The following GRIK2 variants were observed in gnomAD, a reference collection of about 807,000 sequenced individuals.
The protein encoded by GRIK2 is glutamate receptor ionotropic, kainate 2.
In GRIK2, 32 loss-of-function variants were observed where a neutral mutation model predicts 100.3. That is an observed-to-expected ratio of 0.32 (90% CI 0.24 to 0.43). GRIK2 has a LOEUF of 0.43. GRIK2 is among the 20% of genes least tolerant of loss of function. GRIK2 has a pLI of 1.00. For missense variants in GRIK2, 843 were observed against 1,114.9 expected, an observed-to-expected ratio of 0.76 and a Z score of 3.47; for synonymous variants, 417 against 389.4, an observed-to-expected ratio of 1.07 and a Z score of -0.83.
chr6:101,546,134 A>G lies in GRIK2; in HGVS notation c.116-75815A>G, dbSNP rs1466118811. ...AAAAGTGCCTGGATTATTTCTGCCT[A>G]TCATTCTACTCTATAGGCAAGAGTG... On this transcript the variant is annotated intron_variant, in intron 2 of 16. Transcript: ENST00000369134. 5.3e-5 allele frequency among the ~76,000 whole-genome samples: 8 copies of G among 152,192 alleles called. No individual in the cohort carries two copies. In the South Asian group the frequency reaches 1.5e-3, roughly 28 times the overall value.
At chr6:101,978,954 A>G (rs758087460) in intron 14 of GRIK2, among the ~76,000 whole-genome samples, 1 of 151,926 alleles carries the variant, frequency 6.6e-6, no homozygotes, top group African/African-American at 2.4e-5. Flanking sequence ...TCCTATCTCC[A>G]TATGTTATCC....
chr6:101,711,077 A>G (rs941563560), intron 7 of GRIK2, among the ~76,000 whole-genome samples: 8 of 151,738 alleles, frequency 5.3e-5, no homozygotes, highest in African/African-American at 1.9e-4. Context: ...ATTCCATGGA[A>G]GTTCACAAGG....
In GRIK2 at chr6:101,826,283, T is replaced by G. The variant is rs891693730; in HGVS notation, c.1317+7800T>G. Among the ~76,000 whole-genome samples, 6 of 152,006 alleles carry G rather than the reference T, an allele frequency of 3.9e-5. No individual in the cohort carries two copies. In the South Asian group the frequency reaches 1.2e-3, roughly 31 times the overall value. On this transcript the variant is annotated intron_variant, in intron 10 of 16. Transcript: ENST00000369134. ...TCTGCTTTGAGAGGCACTGTACTTA[T>G]AGGAAAGAGGAAAGAGATGGCAACA...
intron 4 of GRIK2, among the ~76,000 whole-genome samples, chr6:101,647,314 C>G (rs1038588181): frequency 1.3e-5 from 2 of 151,936 alleles, no homozygotes; most frequent in African/African-American, 4.8e-5. Context: ...CCACAGCTAT[C>G]TACACATCTC....
intron 11 of GRIK2, among the ~76,000 whole-genome samples, chr6:101,867,523 A>G (rs930857500): frequency 2.6e-5 from 4 of 151,832 alleles, no homozygotes; most frequent in African/African-American, 9.7e-5. Context: ...GATTTATGCT[A>G]TACTAGATTA....
At chr6:101,775,020 A>G (rs1685641259) in intron 7 of GRIK2, among the ~76,000 whole-genome samples, 1 of 152,118 alleles carries the variant, frequency 6.6e-6, no homozygotes, top group African/African-American at 2.4e-5. Context: ...TCTTACAGGG[A>G]AATAATACTG....
intron 7 of GRIK2, among the ~76,000 whole-genome samples, chr6:101,687,726 A>G (rs1188326912): frequency 6.6e-6 from 1 of 151,864 alleles, no homozygotes; most frequent in African/African-American, 2.4e-5. Flanking sequence ...ATATATCCGT[A>G]TGAATTTGTT....
At chr6:101,954,028 T>C (rs1226489567) in intron 14 of GRIK2, among the ~76,000 whole-genome samples, 1 of 152,132 alleles carries the variant, frequency 6.6e-6, no homozygotes, top group East Asian at 1.9e-4. Flanking sequence ...CCTCTTTGAA[T>C]TGTTTTGGTA....
At chr6:101,621,800 C>G in intron 2 of GRIK2, 149 bp from the exon 3 acceptor site, 1 of 628,404 alleles carries the variant, frequency 1.6e-6, no homozygotes. Context: ...ATCTCTCCCT[C>G]TCTCTCTCTC....
At chr6:101,831,445 A>G (rs1457279779) in intron 10 of GRIK2, among the ~76,000 whole-genome samples, 1 of 152,080 alleles carries the variant, frequency 6.6e-6, no homozygotes, top group Non-Finnish European at 1.5e-5. Context: ...TCTGACATGA[A>G]CACTAATTAG....
intron 10 of GRIK2, among the ~76,000 whole-genome samples, chr6:101,828,773 A>G (rs1218959421): frequency 6.6e-6 from 1 of 151,996 alleles, no homozygotes; most frequent in Non-Finnish European, 1.5e-5. Flanking sequence ...TTGAATCATT[A>G]TTGCTGATCA....
chr6:101,674,422 C>T (rs1200538074), intron 4 of GRIK2, among the ~76,000 whole-genome samples: 1 of 152,118 alleles, frequency 6.6e-6, no homozygotes, highest in Non-Finnish European at 1.5e-5. Context: ...AAAGAGTTAC[C>T]TTGTAAAATG....
Position 102,022,143 on chromosome 6 carries a change from T to TACAC in GRIK2, c.2086-13178_2086-13175dup, listed in dbSNP as rs3995831. 3.8e-3 allele frequency among the ~76,000 whole-genome samples: 507 copies of TACAC among 133,242 alleles called. 2 individuals carry two copies. The highest frequency in any genetic ancestry group is 0.012 in the African/African-American group (483 of 39,086). The allele number at this position is 133,242 out of a possible 152,430, so 87.4% of individuals were successfully genotyped here. A position where few individuals can be genotyped will look rare whatever the true frequency, so the allele number is the denominator to read the frequency against. On this transcript the variant is annotated intron_variant, in intron 14 of 16. Coordinates refer to ENST00000369134, the MANE Select transcript of GRIK2 (RefSeq NM_021956.5). ...TGAGTCTGTCTATATAACACACACA[T>TACAC]ACACACACACACACACACACACAAC...
intron 7 of GRIK2, among the ~76,000 whole-genome samples, chr6:101,788,843 C>T (rs1445080456): frequency 1.3e-5 from 2 of 152,060 alleles, no homozygotes; most frequent in Non-Finnish European, 2.9e-5. Context: ...TAAAAGTGTT[C>T]CTATTTCTCC....
chr6:101,409,146 G>C (rs1431722954), intron 2 of GRIK2, among the ~76,000 whole-genome samples: 1 of 134,998 alleles, frequency 7.4e-6, no homozygotes. Flanking sequence ...GTGTGTGTGT[G>C]TGTGTGTACA....
rs534889484 is a variant in GRIK2 at position 101,742,139 on chromosome 6, A to G, written c.951+55786A>G. ...TATACTTTTTTCTATTTTTGGAAAA[A>G]GCAAATGTATATCTTTTTAATAGTT... On this transcript the variant is annotated intron_variant, in intron 7 of 16. Transcript: ENST00000369134. 2.0e-5 allele frequency among the ~76,000 whole-genome samples: 3 copies of G among 152,314 alleles called. No individual in the cohort carries two copies. The South Asian group carries it at 6.2e-4, about 32-fold the overall frequency.
intron 11 of GRIK2, 63 bp downstream of exon 11, chr6:101,859,556 G>C: frequency 5.5e-6 from 5 of 901,214 alleles, no homozygotes; most frequent in Non-Finnish European, 7.3e-6. Flanking sequence ...CTCTTTTGTT[G>C]ATGTATATGA....
At chr6:101,900,797 A>G (rs1787797632) in intron 12 of GRIK2, among the ~76,000 whole-genome samples, 1 of 152,112 alleles carries the variant, frequency 6.6e-6, no homozygotes, top group Non-Finnish European at 1.5e-5. Flanking sequence ...TGTGTCATCC[A>G]GATAATTGCA....
intron 14 of GRIK2, among the ~76,000 whole-genome samples, chr6:102,006,143 G>A (rs11757826): frequency 6.6e-6 from 1 of 151,856 alleles, no homozygotes; most frequent in Non-Finnish European, 1.5e-5. Context: ...TTAGCCCATA[G>A]CACCAAGAAT....
Sources: gnomAD v4.1 joint callset for allele counts (sites outside exome capture counted in the v4.1 genomes callset) on GRCh38, gnomAD v4.1.1 for gene constraint, MANE v1.5 for transcripts, NCBI Gene and HGNC (gene_info 2026-07-23, HGNC 2026-07-21) for gene names.